PACRGL: variants seen among roughly 807,000 people sequenced by gnomAD.
The protein encoded by PACRGL is parkin coregulated like.
A neutral mutation model predicts 34.5 loss-of-function variants in PACRGL; 38 were observed. That is an observed-to-expected ratio of 1.10 (90% CI 0.85 to 1.44). PACRGL has a LOEUF of 1.44. Ranked by LOEUF, PACRGL falls within the 40% of genes most tolerant of loss-of-function variation. The pLI is 0.00. For missense variants in PACRGL, 305 were observed against 281.4 expected (o/e 1.08, Z -0.60); for synonymous variants, 128 against 100.1 (o/e 1.28, Z -1.66).
At chr4:20,744,289 G>C (rs1487539838) in intron 8 of PACRGL, among the ~76,000 whole-genome samples, 3 of 152,170 alleles carry the variant, frequency 2.0e-5, no homozygotes, top group Non-Finnish European at 2.9e-5. Context: ...AAATCATGCT[G>C]CTTTAAAGAC....
downstream of PACRGL, among the ~76,000 whole-genome samples, chr4:20,754,376 A>C (rs999317886): frequency 6.6e-6 from 1 of 152,158 alleles, no homozygotes; most frequent in African/African-American, 2.4e-5. Context: ...GGACCCATCA[A>C]TGTTACTGTT....
the PACRGL span, among the ~76,000 whole-genome samples, chr4:20,762,059 T>C: frequency 5.3e-5 from 8 of 152,258 alleles, no homozygotes; most frequent in South Asian, 1.7e-3. Flanking sequence ...CAAAATGCCA[T>C]AGACTAGGCA....
At chr4:20,747,196 C>T (rs1189535299) in intron 8 of PACRGL, among the ~76,000 whole-genome samples, 1 of 152,064 alleles carries the variant, frequency 6.6e-6, no homozygotes, top group Non-Finnish European at 1.5e-5. Context: ...ATCATTAACA[C>T]CATACTAAAT....
At chr4:20,735,748 G>A (rs1440643580), downstream of PACRGL, among the ~76,000 whole-genome samples, 1 of 152,068 alleles carries the variant, frequency 6.6e-6, no homozygotes, top group Non-Finnish European at 1.5e-5. Flanking sequence ...TGTTGGCCAG[G>A]TTGGTGTCGA....
chr4:20,739,156 G>T (rs1025193622), intron 8 of PACRGL, among the ~76,000 whole-genome samples: 1 of 152,186 alleles, frequency 6.6e-6, no homozygotes, highest in East Asian at 1.9e-4. Flanking sequence ...CACCTCTGGG[G>T]GCAGGTCATA....
At chr4:20,736,038 A>G (rs549233136), downstream of PACRGL, among the ~76,000 whole-genome samples, 64 of 152,276 alleles carry the variant, frequency 4.2e-4, no homozygotes, top group African/African-American at 1.4e-3. Flanking sequence ...TCTTTTTTAA[A>G]TAAGTAACAT....
At chr4:20,715,705 A>G (rs557087229) in intron 7 of PACRGL, among the ~76,000 whole-genome samples, 1 of 152,158 alleles carries the variant, frequency 6.6e-6, no homozygotes, top group South Asian at 2.1e-4. Context: ...CATCTCTACT[A>G]AAATACAAAA....
intron 1 of PACRGL, chr4:20,702,157 C>G (rs1204516823): frequency 1.3e-5 from 6 of 456,532 alleles, no homozygotes; most frequent in Non-Finnish European, 2.6e-5. Context: ...ACAGGAACAA[C>G]TTTTTGACGT....
In PACRGL at chr4:20,713,482, G is replaced by C; in HGVS notation, c.552G>C (p.Gln184His). The change falls in exon 7 of 9, where the codon CAG (glutamine) becomes CAC (histidine). Residue 184 changes from glutamine (Q) to histidine (H), a missense_variant. By Grantham distance (24) the Gln-to-His change is conservative. Transcript: ENST00000503585. ...AAAGAGGATTGAATGCTCTAGTTCA[G>C]CTAAGTGTCGTTGTTGGTCCTTCTC... ...VFERGLNALV[Q>H]LSVVVGPSLN... 1 of 1,613,758 alleles carries C rather than the reference G, an allele frequency of 6.2e-7. No homozygotes were observed. The highest frequency in any genetic ancestry group is 8.5e-7 in the Non-Finnish European group (1 of 1,179,794).
intron 7 of PACRGL, among the ~76,000 whole-genome samples, chr4:20,723,675 G>T (rs898236590): frequency 6.6e-6 from 1 of 152,106 alleles, no homozygotes; most frequent in Non-Finnish European, 1.5e-5. Flanking sequence ...ATCTTTCTGG[G>T]TCAGTGGCGT....
At chr4:20,758,307 T>C in the PACRGL span, among the ~76,000 whole-genome samples, 4 of 152,142 alleles carry the variant, frequency 2.6e-5, no homozygotes, top group Admixed American at 2.6e-4. Flanking sequence ...AAAGAATTAC[T>C]GAAAGAAAGA....
intron 8 of PACRGL, among the ~76,000 whole-genome samples, chr4:20,745,529 C>G (rs1007069695): frequency 6.6e-6 from 1 of 152,148 alleles, no homozygotes; most frequent in African/African-American, 2.4e-5. Flanking sequence ...ACAAACTTAA[C>G]AACAACTCTC....
chr4:20,728,428 C>G lies in PACRGL; in HGVS notation c.*1087C>G, dbSNP rs1034998446. 1.3e-5 allele frequency: 2 copies of G among 152,096 alleles called. No homozygotes were observed. The highest frequency in any genetic ancestry group is 6.6e-5 in the Admixed American group (1 of 15,258). The allele number at this position is 152,096 out of a possible 1,614,324, so 9.4% of individuals were successfully genotyped here. A position where few individuals can be genotyped will look rare whatever the true frequency, so the allele number is the denominator to read the frequency against. On this transcript the variant is annotated 3_prime_UTR_variant, in exon 9 of 9. Coordinates refer to ENST00000503585, the MANE Select transcript of PACRGL (RefSeq NM_001258345.3). ...TTTAAAATATAATATAGACATAGTT[C>G]AGAATTTTGATGTAATAGAAGCAAT...
At chr4:20,705,153 C>G (rs561235972) in intron 3 of PACRGL, among the ~76,000 whole-genome samples, 2 of 144,726 alleles carry the variant, frequency 1.4e-5, no homozygotes, top group South Asian at 4.6e-4. Flanking sequence ...TTTCGTGCTT[C>G]TATAGTTGCA....
rs116966895 is a variant in PACRGL, at chr4:20,715,801, G to T, written c.609+2262G>T. ...AATTGCTTGAACCTTGGAGGTGGAG[G>T]TTGTAGTGGGACAAGATTGTGACAG... On this transcript the variant is annotated intron_variant, in intron 7 of 8. Coordinates refer to ENST00000503585, the MANE Select transcript of PACRGL (RefSeq NM_001258345.3). Among the ~76,000 whole-genome samples the T allele has an allele frequency of 2.3e-3, 351 of 152,210 alleles. 7 individuals are homozygous for T. The South Asian group carries it at 0.046, about 20-fold the overall frequency.
At position 20,729,960 on chromosome 4, in the gene PACRGL, C is replaced by A; in HGVS notation, c.*2619C>A. ...GGGATTGCTTTATATTAAAACAAAG[C>A]TTGTTTGCATAATATGCTTCAGTGT... On this transcript the variant is annotated 3_prime_UTR_variant, in exon 9 of 9. Coordinates refer to ENST00000503585, the MANE Select transcript of PACRGL (RefSeq NM_001258345.3). 1 of 1,163,638 alleles carries A rather than the reference C, an allele frequency of 8.6e-7. No homozygotes were observed. Among genetic ancestry groups the A allele is most frequent in the Admixed American group, 3.0e-5 (1 of 33,304 alleles). 72.1% of individuals were successfully genotyped at this position (1,163,638 alleles called of 1,614,324 possible). A position where few individuals can be genotyped will look rare whatever the true frequency, so the allele number is the denominator to read the frequency against.
At chr4:20,747,598 C>T (rs555257035) in intron 8 of PACRGL, among the ~76,000 whole-genome samples, 145 of 151,592 alleles carry the variant, frequency 9.6e-4, no homozygotes, top group African/African-American at 3.4e-3. Context: ...ATAAACCTGC[C>T]TGCCCCATCT....
upstream of PACRGL, chr4:20,700,411 T>C (rs968397321): frequency 6.6e-6 from 1 of 152,026 alleles, no homozygotes; most frequent in Non-Finnish European, 1.5e-5. Context: ...GCGTCTGACG[T>C]CATTGCGCGG....
chr4:20,727,402 G>T lies in PACRGL; in HGVS notation c.*61G>T, dbSNP rs534870880. 1.5e-6 allele frequency: 2 copies of T among 1,340,516 alleles called. No homozygotes were observed. The highest frequency in any genetic ancestry group is 1.2e-5 in the South Asian group (1 of 83,306). The allele number at this position is 1,340,516 out of a possible 1,614,324, so 83.0% of individuals were successfully genotyped here. On this transcript the variant is annotated 3_prime_UTR_variant, in exon 9 of 9. Transcript: ENST00000503585. ...TTGACGTGTCAAGCACTAACTGTGGGTACTCATTTATTTTATTCTTTTGTA... is the reference window on the plus strand; with the variant it reads ...TTGACGTGTCAAGCACTAACTGTGGTTACTCATTTATTTTATTCTTTTGTA...
Sources: gnomAD v4.1 joint callset for allele counts (sites outside exome capture counted in the v4.1 genomes callset) on GRCh38, gnomAD v4.1.1 for gene constraint, MANE v1.5 for transcripts, NCBI Gene and HGNC (gene_info 2026-07-23, HGNC 2026-07-21) for gene names.